Variants in NMT2 observed in about 807,000 individuals in gnomAD.
The protein encoded by NMT2 is glycylpeptide N-tetradecanoyltransferase 2.
A neutral mutation model predicts 65.4 loss-of-function variants in NMT2; 35 were observed. The ratio of observed to expected loss-of-function variants is 0.54; its 90% CI spans 0.41 to 0.71. The LOEUF (loss-of-function observed/expected upper bound fraction) is 0.71, where lower values mean the gene tolerates loss of function less well. Among genes scored for constraint, NMT2 ranks in the 30% least tolerant of loss-of-function variants. The probability of loss-of-function intolerance (pLI) is 0.00; values close to 1 mark genes in which losing one functional copy is unlikely to be tolerated. For missense variants in NMT2, 489 were observed against 611.3 expected, an observed-to-expected ratio of 0.80 and a Z score of 2.11; for synonymous variants, 226 against 231.8, an observed-to-expected ratio of 0.98 and a Z score of 0.23.
At chr10:15,118,277 C>T (rs1440388130) in intron 9 of NMT2, among the ~76,000 whole-genome samples, 4 of 152,206 alleles carry the variant, frequency 2.6e-5, no homozygotes, top group Admixed American at 2.6e-4. Context: ...GTGGCTCACA[C>T]CTATAATTCC....
intron 10 of NMT2, among the ~76,000 whole-genome samples, chr10:15,110,756 G>A (rs1048829364): frequency 1.3e-5 from 2 of 152,094 alleles, no homozygotes; most frequent in Non-Finnish European, 2.9e-5. Context: ...TACTTATGAA[G>A]ATTTCAGAAA....
chr10:15,132,977 A>G, intron 5 of NMT2, 44 bp from the exon 6 acceptor site: 2 of 1,600,830 alleles, frequency 1.2e-6, no homozygotes, highest in Non-Finnish European at 1.7e-6. Context: ...GTTATTGTCC[A>G]AGAACACAGG....
At chr10:15,130,101 T>C (rs372303637) in intron 7 of NMT2, 41 bp downstream of exon 7, 3 of 1,382,540 alleles carry the variant, frequency 2.2e-6, no homozygotes, top group Non-Finnish European at 2.8e-6. Flanking sequence ...TCAACATTTT[T>C]GATAAAGGGA....
chr10:15,137,539 C>T (rs1846556073), intron 2 of NMT2, among the ~76,000 whole-genome samples: 1 of 151,990 alleles, frequency 6.6e-6, no homozygotes, highest in South Asian at 2.1e-4. Context: ...TATCTGAACT[C>T]CAACAACACC....
chr10:15,144,434 C>A (rs1846886063), intron 1 of NMT2, among the ~76,000 whole-genome samples: 1 of 151,890 alleles, frequency 6.6e-6, no homozygotes, highest in Non-Finnish European at 1.5e-5. Flanking sequence ...TAATTATAAT[C>A]AAAAAGAAAA....
chr10:15,116,634 T>A (rs1050049332), intron 9 of NMT2, among the ~76,000 whole-genome samples: 5 of 152,102 alleles, frequency 3.3e-5, no homozygotes, highest in African/African-American at 7.2e-5. Flanking sequence ...AAAGTCTGGT[T>A]CTCTGGGAAA....
At chr10:15,127,622 G>A (rs902545018) in intron 8 of NMT2, among the ~76,000 whole-genome samples, 7 of 150,030 alleles carry the variant, frequency 4.7e-5, no homozygotes, top group Non-Finnish European at 5.9e-5. Context: ...ATAACTTTTC[G>A]CTGGGTGCAG....
chr10:15,105,717 A>G (rs979701707), downstream of NMT2, among the ~76,000 whole-genome samples: 3 of 152,232 alleles, frequency 2.0e-5, no homozygotes, highest in African/African-American at 7.2e-5. Flanking sequence ...GAACATTTTC[A>G]TTATAGACAA....
chr10:15,107,334 G>C lies in NMT2; in HGVS notation c.*1861C>G. ...GGCCATAGTTTGGTGGCCCCTGCCTGGGATAAGATATGATTGGTTTCACTG... is the reference window on the plus strand; with the variant it reads ...GGCCATAGTTTGGTGGCCCCTGCCTCGGATAAGATATGATTGGTTTCACTG... On this transcript the variant is annotated 3_prime_UTR_variant, in exon 12 of 12. Transcript: ENST00000378165. The C allele has an allele frequency of 1.0e-6, 1 of 985,234 alleles. No homozygotes were observed. The highest frequency in any genetic ancestry group is 1.2e-6 in the Non-Finnish European group (1 of 829,728). The allele number at this position is 985,234 out of a possible 1,614,324, so 61.0% of individuals were successfully genotyped here.
intron 1 of NMT2, among the ~76,000 whole-genome samples, chr10:15,157,364 A>C (rs1833038314): frequency 6.6e-6 from 1 of 152,212 alleles, no homozygotes; most frequent in South Asian, 2.1e-4. Flanking sequence ...TCCAGGGCAG[A>C]CTGGGCATAG....
chr10:15,116,557 AAAC>A (rs1483640328), intron 9 of NMT2, among the ~76,000 whole-genome samples: 1 of 152,204 alleles, frequency 6.6e-6, no homozygotes, highest in East Asian at 1.9e-4. Flanking sequence ...AGACAGAAGG[AAAC>A]AATAAACACG....
chr10:15,168,075 C>A (rs1833434492), intron 1 of NMT2, among the ~76,000 whole-genome samples: 1 of 152,184 alleles, frequency 6.6e-6, no homozygotes, highest in African/African-American at 2.4e-5. Flanking sequence ...AGGGACTTAA[C>A]AAGGATGGCA....
chr10:15,133,972 C>T (rs1314780597), intron 3 of NMT2, among the ~76,000 whole-genome samples: 1 of 152,200 alleles, frequency 6.6e-6, no homozygotes, highest in African/African-American at 2.4e-5. Context: ...TTCCGAGTCT[C>T]AAGGCCTACA....
intron 8 of NMT2, among the ~76,000 whole-genome samples, 159 bp from the exon 9 acceptor site, chr10:15,119,672 G>A (rs73604517): frequency 0.014 from 2,169 of 152,234 alleles, 55 homozygotes; most frequent in African/African-American, 0.05. Flanking sequence ...TAATGAATCC[G>A]AATCTGCAAC....
rs1310540341 is a variant in NMT2, at chr10:15,105,780, A to G, written c.*3415T>C. ...ACAAGAAACTATCCATTGCATTTCA[A>G]TTTAGTTTTAATAGCTACTTCATAA... On this transcript the variant is annotated 3_prime_UTR_variant, in exon 12 of 12. Coordinates refer to ENST00000378165, the MANE Select transcript of NMT2 (RefSeq NM_004808.3). Among the ~76,000 whole-genome samples the G allele has an allele frequency of 6.6e-6, 1 of 152,248 alleles. No homozygotes were observed. The highest frequency in any genetic ancestry group is 1.9e-4 in the East Asian group (1 of 5,206).
intron 4 of NMT2, 34 bp from the exon 5 acceptor site, chr10:15,133,178 C>G (rs1846345320): frequency 1.2e-6 from 2 of 1,603,420 alleles, no homozygotes; most frequent in Non-Finnish European, 1.7e-6. Flanking sequence ...ATCCATGGTG[C>G]TCAGAATCAA....
intron 2 of NMT2, among the ~76,000 whole-genome samples, chr10:15,139,292 C>CCA (rs1564577415): frequency 6.8e-6 from 1 of 147,682 alleles, no homozygotes; most frequent in Non-Finnish European, 1.5e-5. Flanking sequence ...ATCTATCTAT[C>CCA]TATCCATCCA....
intron 1 of NMT2, among the ~76,000 whole-genome samples, chr10:15,143,025 T>C (rs1404960613): frequency 6.6e-6 from 1 of 152,182 alleles, no homozygotes; most frequent in Non-Finnish European, 1.5e-5. Context: ...AGAAGTCTAT[T>C]CTTAATTGCG....
At chr10:15,125,612 G>A (rs1564566926) in intron 8 of NMT2, among the ~76,000 whole-genome samples, 1 of 152,158 alleles carries the variant, frequency 6.6e-6, no homozygotes, top group African/African-American at 2.4e-5. Context: ...GTGAAAAAAA[G>A]AGGCATTTTT....
Sources: allele counts gnomAD v4.1 joint callset (sites outside exome capture counted in the v4.1 genomes callset), GRCh38; gene constraint gnomAD v4.1.1; transcripts MANE v1.5; gene names NCBI Gene and HGNC (gene_info 2026-07-23, HGNC 2026-07-21).